The following CREG2 variants were observed in gnomAD, a reference collection of about 807,000 sequenced individuals.
The protein encoded by CREG2 is protein CREG2.
Under a neutral mutation model 26.2 loss-of-function variants are expected in CREG2, and 24 were observed. That is an observed-to-expected ratio of 0.92 (90% CI 0.66 to 1.29). CREG2 has a LOEUF of 1.29. Among genes scored for constraint, CREG2 ranks in the 50% most tolerant of loss-of-function variants. CREG2 has a pLI of 0.00. For synonymous variants in CREG2, 174 were observed against 169.2 expected, an observed-to-expected ratio of 1.03 and a Z score of -0.22; for missense variants, 366 against 398.6, an observed-to-expected ratio of 0.92 and a Z score of 0.70.
Position 101,348,857 on chromosome 2 carries a change from A to G in CREG2, c.*2066T>C, listed in dbSNP as rs1454610236. On this transcript the variant is annotated 3_prime_UTR_variant, in exon 4 of 4. Transcript: ENST00000324768. Reference sequence around the variant, plus strand: ...TTTTAATCAATGTAAATTTCTAGAGATTTGCTGAAACACACTTGCCTGAAT... The same window carrying G: ...TTTTAATCAATGTAAATTTCTAGAGGTTTGCTGAAACACACTTGCCTGAAT... 6.6e-6 allele frequency: 1 copy of G among 152,118 alleles called. No homozygotes were observed. The highest frequency in any genetic ancestry group is 1.5e-5 in the Non-Finnish European group (1 of 68,032). 9.4% of individuals were successfully genotyped at this position (152,118 alleles called of 1,614,324 possible).
At chr2:101,379,641 T>TA (rs1310760736) in intron 2 of CREG2, among the ~76,000 whole-genome samples, 5 of 152,190 alleles carry the variant, frequency 3.3e-5, no homozygotes, top group Admixed American at 6.5e-5. Flanking sequence ...CCAAAGAACA[T>TA]ACATCAGCTT....
intron 2 of CREG2, among the ~76,000 whole-genome samples, chr2:101,358,207 G>T (rs1254083588): frequency 6.6e-6 from 1 of 152,030 alleles, no homozygotes; most frequent in African/African-American, 2.4e-5. Context: ...GGCCAGGCTG[G>T]TCTCAAACTC....
chr2:101,374,065 C>T (rs1274135960), intron 2 of CREG2, among the ~76,000 whole-genome samples: 1 of 152,114 alleles, frequency 6.6e-6, no homozygotes, highest in East Asian at 1.9e-4. Flanking sequence ...GGGGTTTCAC[C>T]CCATCGACTC....
At chr2:101,366,955 G>A (rs913019746) in intron 2 of CREG2, among the ~76,000 whole-genome samples, 3 of 152,128 alleles carry the variant, frequency 2.0e-5, no homozygotes, top group Non-Finnish European at 4.4e-5. Context: ...GATGTGCGTA[G>A]GTTATATGCA....
At chr2:101,375,685 G>A (rs370055051) in intron 2 of CREG2, 5 of 195,180 alleles carry the variant, frequency 2.6e-5, no homozygotes, top group African/African-American at 9.4e-5. Context: ...GCATTTCCTC[G>A]GGACCACCCT....
intron 2 of CREG2, among the ~76,000 whole-genome samples, chr2:101,380,915 G>A (rs938407403): frequency 1.3e-5 from 2 of 151,976 alleles, no homozygotes; most frequent in East Asian, 3.9e-4. Flanking sequence ...CTGCACTCCA[G>A]CCTGATGACA....
chr2:101,360,202 C>T (rs1178178366), intron 2 of CREG2, among the ~76,000 whole-genome samples: 2 of 152,076 alleles, frequency 1.3e-5, no homozygotes, highest in Non-Finnish European at 2.9e-5. Flanking sequence ...AAGATATAAC[C>T]ATTGCCTTAC....
intron 2 of CREG2, among the ~76,000 whole-genome samples, chr2:101,372,784 C>G (rs928207008): frequency 9.7e-4 from 147 of 152,230 alleles, no homozygotes; most frequent in African/African-American, 3.3e-3. Flanking sequence ...AAGACTCTTA[C>G]AACTCAACAA....
chr2:101,347,404 G>A lies in CREG2; in HGVS notation c.*3519C>T, dbSNP rs989012459. On this transcript the variant is annotated 3_prime_UTR_variant, in exon 4 of 4. Coordinates refer to ENST00000324768, the MANE Select transcript of CREG2 (RefSeq NM_153836.4). ...ATGAGAAACTGGCAAATGGTTTTGC[G>A]GAGTGGCTGTTCCATTTTCTATTCC... 10 of 152,162 alleles carry A rather than the reference G, an allele frequency of 6.6e-5. No homozygotes were observed. Among genetic ancestry groups the A allele is most frequent in the African/African-American group, 2.2e-4 (9 of 41,444 alleles). 9.4% of individuals were successfully genotyped at this position (152,162 alleles called of 1,614,324 possible).
At position 101,384,662 on chromosome 2, in the gene CREG2, C is replaced by T. The variant is rs373859233; in HGVS notation, c.442-960G>A. 9.9e-5 allele frequency among the ~76,000 whole-genome samples: 15 copies of T among 152,262 alleles called. No homozygotes were observed. In the East Asian group the frequency reaches 1.7e-3, roughly 18 times the overall value. ...TGGGAGCCCAACAGTTCAGGATCAG[C>T]CTGGGCAAGATAGCGAGACCCCCAT... On this transcript the variant is annotated intron_variant, in intron 1 of 3. Coordinates refer to ENST00000324768, the MANE Select transcript of CREG2 (RefSeq NM_153836.4).
rs756777215 is a variant in CREG2 at position 101,347,621 on chromosome 2, A to G, written c.*3302T>C. On this transcript the variant is annotated 3_prime_UTR_variant, in exon 4 of 4. Coordinates refer to ENST00000324768, the MANE Select transcript of CREG2 (RefSeq NM_153836.4). ...TTTCATGCGCTTATTTGCCATTTTT[A>G]TATCCTCTGCAGTGAAATGTCTGTT... The G allele has an allele frequency of 5.9e-5, 9 of 151,926 alleles. No homozygotes were observed. Among genetic ancestry groups the G allele is most frequent in the Non-Finnish European group, 1.2e-4 (8 of 67,982 alleles). 9.4% of individuals were successfully genotyped at this position (151,926 alleles called of 1,614,324 possible).
chr2:101,372,646 T>C (rs146478621), intron 2 of CREG2, among the ~76,000 whole-genome samples: 11 of 152,318 alleles, frequency 7.2e-5, no homozygotes, highest in African/African-American at 2.2e-4. Context: ...GCAACTGGAA[T>C]GTCAATATTG....
In CREG2 at chr2:101,387,414, C is replaced by CG. The variant is rs531387490; in HGVS notation, c.43dup (p.Arg15ProfsTer42). 2 of 1,020,154 alleles carry CG rather than the reference C, an allele frequency of 2.0e-6. No individual in the cohort carries two copies. The highest frequency in any genetic ancestry group is 3.5e-5 in the African/African-American group (2 of 56,968). 63.2% of individuals were successfully genotyped at this position (1,020,154 alleles called of 1,614,324 possible). ...GCTGCAGCACAGCAGCCAGGAGAGG[C>CG]GGGTCCCCGGCCGCGCCGGCCGCCG... On this transcript the variant is annotated frameshift_variant, in exon 1 of 4. Transcript: ENST00000324768. LOFTEE classifies it high-confidence loss of function. This position sits in a 1 kb window ranked among gnomAD's most constrained non-coding sequence, Gnocchi z 4.7.
Position 101,375,399 on chromosome 2 carries a change from G to A in CREG2, c.611+8134C>T, listed in dbSNP as rs578129350. Among the ~76,000 whole-genome samples the A allele has an allele frequency of 9.2e-5, 14 of 152,282 alleles. No individual in the cohort carries two copies. The South Asian group carries it at 2.1e-3, about 23-fold the overall frequency. ...CTGCCAAGAGCCACTGGTCATGGTG[G>A]GGCAGGGACGCCTTCATCCTGGGGG... On this transcript the variant is annotated intron_variant, in intron 2 of 3. Coordinates refer to ENST00000324768, the MANE Select transcript of CREG2 (RefSeq NM_153836.4).
intron 2 of CREG2, among the ~76,000 whole-genome samples, chr2:101,355,767 G>A (rs563913145): frequency 1.3e-5 from 2 of 152,110 alleles, no homozygotes; most frequent in Non-Finnish European, 2.9e-5. Flanking sequence ...GTACACAGGT[G>A]AGCAGGTTCA....
rs760353225 is a variant in CREG2 at position 101,383,602 on chromosome 2, A to T, written c.542T>A (p.Val181Glu). ...PFFYMTAKDP[V>E]VADLMKNPMA... is the part of the protein sequence containing the mutation. ...GGGGTTCTTCATCAGATCAGCCACC[A>T]CGGGGTCCTTGGCTGTCATGTAGAA... is the stretch of plus-strand genomic sequence containing the variant. Residue 181 changes from valine (V) to glutamate (E), a missense_variant, in exon 2 of 4, where the codon GTG becomes GAG. By Grantham distance (121) the Val-to-Glu change is moderately radical. Coordinates refer to ENST00000324768, the MANE Select transcript of CREG2 (RefSeq NM_153836.4). The T allele has an allele frequency of 1.2e-6, 2 of 1,614,160 alleles. No individual in the cohort carries two copies. Among genetic ancestry groups the T allele is most frequent in the South Asian group, 2.2e-5 (2 of 91,074 alleles).
rs541815467 is a variant in CREG2 at position 101,360,040 on chromosome 2, G to C, written c.612-4674C>G. On this transcript the variant is annotated intron_variant, in intron 2 of 3. Transcript: ENST00000324768. ...CAATTGCAAGCTTATCTTCCCAGGT[G>C]CAGAATAAAGACAAGACTAGATCAA... Among the ~76,000 whole-genome samples the C allele has an allele frequency of 2.6e-4, 39 of 152,312 alleles. 1 individual carries two copies. The highest frequency in any genetic ancestry group is 8.9e-4 in the African/African-American group (37 of 41,568).
At chr2:101,368,531 C>G (rs1684653149) in intron 2 of CREG2, among the ~76,000 whole-genome samples, 1 of 152,144 alleles carries the variant, frequency 6.6e-6, no homozygotes, top group Admixed American at 6.5e-5. Flanking sequence ...TGGGGAGCTG[C>G]ACTCCAGCAG....
At chr2:101,379,005 C>CA (rs530950537) in intron 2 of CREG2, among the ~76,000 whole-genome samples, 14,969 of 137,932 alleles carry the variant, frequency 0.11, 900 homozygotes, top group African/African-American at 0.19. Context: ...GACTCCATCT[C>CA]AAAAAAAAAA....
Sources: gnomAD v4.1 joint callset for allele counts (sites outside exome capture counted in the v4.1 genomes callset) on GRCh38, gnomAD v4.1.1 for gene constraint, Gnocchi (gnomAD v3.1) non-coding constraint, MANE v1.5 for transcripts, NCBI Gene and HGNC (gene_info 2026-07-23, HGNC 2026-07-21) for gene names.